The following MROH2B variants were observed in gnomAD, a reference collection of about 807,000 sequenced individuals.
MROH2B encodes maestro heat like repeat family member 2B.
Under a neutral mutation model 208.6 loss-of-function variants are expected in MROH2B, and 177 were observed. The ratio of observed to expected loss-of-function variants is 0.85; its 90% CI spans 0.75 to 0.96. MROH2B has a LOEUF of 0.96. Ranked by LOEUF, MROH2B falls within the 40% of genes least tolerant of loss-of-function variation. The probability of loss-of-function intolerance (pLI) is 0.00; values close to 1 mark genes in which losing one functional copy is unlikely to be tolerated. For synonymous variants in MROH2B, 728 were observed against 659.0 expected (o/e 1.10, Z -1.60); for missense variants, 2,002 against 1,878.7 (o/e 1.07, Z -1.21).
In MROH2B at chr5:41,040,546, G is replaced by A. The variant is rs187287049; in HGVS notation, c.1954-991C>T. The stretch of plus-strand genomic sequence containing the variant: ...AGGCTCAGTGGGTTATGAAAGTCAC[G>A]TGTTAACACTTTATTCATCCAGAGG... On this transcript the variant is annotated intron_variant, in intron 19 of 41. Transcript: ENST00000399564. Among the ~76,000 whole-genome samples the A allele has an allele frequency of 5.3e-5, 8 of 152,330 alleles. No individual in the cohort carries two copies. The South Asian group carries it at 8.3e-4, about 16-fold the overall frequency.
chr5:41,025,170 G>A (rs939035443), intron 24 of MROH2B, among the ~76,000 whole-genome samples: 5 of 151,996 alleles, frequency 3.3e-5, no homozygotes, highest in Admixed American at 2.6e-4. Flanking sequence ...CAGAAGGCAA[G>A]AAATAACTAA....
rs1014007579 is a variant in MROH2B, at chr5:41,017,053, C to A, written c.2884+797G>T. On this transcript the variant is annotated intron_variant, in intron 28 of 41. Transcript: ENST00000399564. Reference sequence around the variant, plus strand: ...GAACAGTGCCTGACACATGGAAAGGCACTCAATAAATATTTTGAATACCTA... The same window carrying A: ...GAACAGTGCCTGACACATGGAAAGGAACTCAATAAATATTTTGAATACCTA... Among the ~76,000 whole-genome samples the A allele has an allele frequency of 3.9e-5, 6 of 152,222 alleles. No individual in the cohort carries two copies. The East Asian group carries it at 1.2e-3, about 29-fold the overall frequency.
In MROH2B at chr5:41,008,661, G is replaced by C; in HGVS notation, c.3553C>G (p.His1185Asp). The change falls in exon 33 of 42, where the codon CAT becomes GAT. Residue 1185 changes from histidine to aspartate, a missense_variant. Physicochemically the swap from His to Asp is moderately conservative, Grantham distance 81. Transcript: ENST00000399564. Reference sequence around the variant, plus strand: ...CCCTGCTGCATCACATGCCGCCTATGGCTCCAGGGACAAGTGAGCATCTTC... The same window carrying C: ...CCCTGCTGCATCACATGCCGCCTATCGCTCCAGGGACAAGTGAGCATCTTC... ...GQKMLTCPWS[H>D]RRHVMQQGEQ... is the part of the protein sequence containing the mutation. The C allele has an allele frequency of 6.2e-7, 1 of 1,613,954 alleles. No individual in the cohort carries two copies. The highest frequency in any genetic ancestry group is 8.5e-7 in the Non-Finnish European group (1 of 1,179,862).
intron 24 of MROH2B, among the ~76,000 whole-genome samples, chr5:41,023,050 C>T (rs1029964075): frequency 1.6e-4 from 25 of 152,232 alleles, no homozygotes; most frequent in African/African-American, 6.0e-4. Context: ...TGTACATCAC[C>T]ATCATCAAAG....
chr5:41,040,678 A>AT (rs1304775937), intron 19 of MROH2B, among the ~76,000 whole-genome samples: 1 of 151,954 alleles, frequency 6.6e-6, no homozygotes, highest in East Asian at 1.9e-4. Flanking sequence ...TATTTTTTTT[A>AT]TTTTTTGAGA....
chr5:41,056,679 G>C (rs1743462678), intron 9 of MROH2B, among the ~76,000 whole-genome samples: 1 of 151,014 alleles, frequency 6.6e-6, no homozygotes, highest in African/African-American at 2.4e-5. Flanking sequence ...GAGAGACGGA[G>C]TGACTGATGG....
In MROH2B at chr5:41,020,781, G is replaced by T. The variant is rs1439101434; in HGVS notation, c.2442-1763C>A. Among the ~76,000 whole-genome samples, 10 of 152,134 alleles carry T rather than the reference G, an allele frequency of 6.6e-5. No individual in the cohort carries two copies. In the East Asian group the frequency reaches 1.9e-3, roughly 29 times the overall value. On this transcript the variant is annotated intron_variant, in intron 24 of 41. Coordinates refer to ENST00000399564, the MANE Select transcript of MROH2B (RefSeq NM_173489.5). ...TATAAGATATTAGGCAGCCATTAAA[G>T]ATATATTTGTTACCTCAATATAATA... is the stretch of plus-strand genomic sequence containing the variant.
At chr5:41,005,164 G>A (rs1741536124) in intron 35 of MROH2B, 1 of 543,530 alleles carries the variant, frequency 1.8e-6, no homozygotes, top group African/African-American at 1.9e-5. Context: ...AGTCTCAATG[G>A]AAAATGGGGC....
chr5:41,039,662 CAGT>C, intron 19 of MROH2B, 107 bp from the exon 20 acceptor site: 5 of 692,646 alleles, frequency 7.2e-6, no homozygotes, highest in Non-Finnish European at 1.2e-5. Flanking sequence ...GCTGGGGGTA[CAGT>C]AGTTTGCAGA....
intron 24 of MROH2B, among the ~76,000 whole-genome samples, chr5:41,028,286 C>A (rs1170852193): frequency 6.6e-6 from 1 of 152,186 alleles, no homozygotes; most frequent in Non-Finnish European, 1.5e-5. Context: ...CCACTCCCAC[C>A]TCTGCCCCGT....
At chr5:41,012,863 G>T in intron 29 of MROH2B, 128 bp from the exon 30 acceptor site, 1 of 1,171,686 alleles carries the variant, frequency 8.5e-7, no homozygotes, top group Non-Finnish European at 1.2e-6. Context: ...TTTGATTGAG[G>T]CCACAGAAAC....
At chr5:41,030,246 T>C (rs1444136787) in intron 24 of MROH2B, among the ~76,000 whole-genome samples, 2 of 151,792 alleles carry the variant, frequency 1.3e-5, no homozygotes, top group Non-Finnish European at 2.9e-5. Flanking sequence ...ATAATGCAAA[T>C]CAAAACCACA....
chr5:41,048,533 T>G, intron 15 of MROH2B, 68 bp from the exon 16 acceptor site: 1 of 1,479,210 alleles, frequency 6.8e-7, no homozygotes, highest in South Asian at 1.4e-5. Context: ...ATTTTTCCCT[T>G]TTTACCATTG....
At chr5:41,068,125 G>A (rs1011424754) in intron 2 of MROH2B, among the ~76,000 whole-genome samples, 1 of 152,150 alleles carries the variant, frequency 6.6e-6, no homozygotes, top group Non-Finnish European at 1.5e-5. Context: ...AGAGACTGGT[G>A]TACTGAAATC....
chr5:41,005,098 G>A (rs777528010), intron 35 of MROH2B, 178 bp from the exon 36 acceptor site: 130 of 770,152 alleles, frequency 1.7e-4, no homozygotes, highest in Middle Eastern at 3.8e-4. Flanking sequence ...TATGAGCAGC[G>A]CACAGGTCAA....
At chr5:41,020,747 A>G (rs1349126288) in intron 24 of MROH2B, among the ~76,000 whole-genome samples, 1 of 152,238 alleles carries the variant, frequency 6.6e-6, no homozygotes. Context: ...GTAAGATGAG[A>G]CATATTTATA....
At chr5:41,027,456 C>T (rs1321691692) in intron 24 of MROH2B, among the ~76,000 whole-genome samples, 1 of 152,140 alleles carries the variant, frequency 6.6e-6, no homozygotes, top group Non-Finnish European at 1.5e-5. Context: ...CATCACTGGC[C>T]ATCAGAGAAA....
chr5:41,047,079 CCTTCTATATTAAA>C, intron 17 of MROH2B, among the ~76,000 whole-genome samples: 1 of 152,134 alleles, frequency 6.6e-6, no homozygotes, highest in East Asian at 1.9e-4. Context: ...ATATAGAAAA[CCTTCTATATTAAA>C]AGCTCCCTGT....
rs551190685 is a variant in MROH2B at position 41,042,701 on chromosome 5, T to C, written c.1837-493A>G. On this transcript the variant is annotated intron_variant, in intron 18 of 41. Coordinates refer to ENST00000399564, the MANE Select transcript of MROH2B (RefSeq NM_173489.5). ...CTCACTGCAACCTCTGCCTCCTGGG[T>C]TCAAGAGATTTTCATGCCTCAGCCT... Among the ~76,000 whole-genome samples, 6 of 152,188 alleles carry C rather than the reference T, an allele frequency of 3.9e-5. No individual in the cohort carries two copies. The South Asian group carries it at 1.0e-3, about 26-fold the overall frequency.
Sources: allele counts gnomAD v4.1 joint callset (sites outside exome capture counted in the v4.1 genomes callset), GRCh38; gene constraint gnomAD v4.1.1; transcripts MANE v1.5; gene names NCBI Gene and HGNC (gene_info 2026-07-23, HGNC 2026-07-21).